EYS: variants seen among roughly 807,000 people sequenced by gnomAD.
EYS encodes the protein protein eyes shut homolog.
EYS carries 250 observed loss-of-function variants against 282.1 expected under a neutral mutation model. The observed-to-expected ratio is 0.89, with a 90% CI of 0.80 to 0.98. The LOEUF (loss-of-function observed/expected upper bound fraction) is 0.98, where lower values mean the gene tolerates loss of function less well. EYS is among the 50% of genes least tolerant of loss of function. EYS has a pLI of 0.00. For synonymous variants in EYS, 1,355 were observed against 1,282.9 expected (o/e 1.06, Z -1.20); for missense variants, 4,016 against 3,709.0 (o/e 1.08, Z -2.15).
chr6:64,434,037 T>C (rs1774655972), intron 28 of EYS, among the ~76,000 whole-genome samples: 2 of 152,158 alleles, frequency 1.3e-5, no homozygotes, highest in Non-Finnish European at 2.9e-5. Flanking sequence ...TGACTATATT[T>C]GGAAATAGGG....
Position 65,097,025 on chromosome 6 carries a change from T to C in EYS, c.2024-39298A>G, listed in dbSNP as rs939148424. Among the ~76,000 whole-genome samples, 3 of 150,814 alleles carry C rather than the reference T, an allele frequency of 2.0e-5. No homozygotes were observed. In the Admixed American group the frequency reaches 2.0e-4, roughly 10 times the overall value. On this transcript the variant is annotated intron_variant, in intron 12 of 42. Coordinates refer to ENST00000503581, the MANE Select transcript of EYS (RefSeq NM_001142800.2). ...TGACTACATCAAAGTAAAAATCTTCTACATAGAAAAGGAAATGATCAACAG... is the reference window on the plus strand; with the variant it reads ...TGACTACATCAAAGTAAAAATCTTCCACATAGAAAAGGAAATGATCAACAG...
At chr6:64,334,983 C>T (rs961632092) in intron 29 of EYS, among the ~76,000 whole-genome samples, 1 of 152,074 alleles carries the variant, frequency 6.6e-6, no homozygotes, top group African/African-American at 2.4e-5. Context: ...TCATCAGAAG[C>T]ATCTAATCCA....
At chr6:64,587,613 A>G (rs368468821) in intron 26 of EYS, among the ~76,000 whole-genome samples, 37 of 152,182 alleles carry the variant, frequency 2.4e-4, no homozygotes, top group African/African-American at 8.9e-4. Flanking sequence ...TTAGGTGTAC[A>G]AGAGTGAACA....
chr6:65,222,486 C>T (rs1766494284), intron 12 of EYS, among the ~76,000 whole-genome samples: 1 of 152,126 alleles, frequency 6.6e-6, no homozygotes, highest in African/African-American at 2.4e-5. Flanking sequence ...ATTGTGAGGC[C>T]TCCCAGCATG....
intron 22 of EYS, among the ~76,000 whole-genome samples, chr6:64,660,144 T>G (rs1401925694): frequency 6.6e-6 from 1 of 152,182 alleles, no homozygotes; most frequent in Non-Finnish European, 1.5e-5. Context: ...ACCACATGAT[T>G]ATCTCAATAG....
intron 13 of EYS, among the ~76,000 whole-genome samples, chr6:65,055,732 C>T (rs1027261287): frequency 5.3e-5 from 8 of 151,906 alleles, no homozygotes; most frequent in Non-Finnish European, 1.2e-4. Context: ...TTTTTGATGA[C>T]TAGACTCAGA....
intron 36 of EYS, among the ~76,000 whole-genome samples, chr6:63,833,704 A>G (rs1227290547): frequency 1.3e-5 from 2 of 152,170 alleles, no homozygotes; most frequent in African/African-American, 4.8e-5. Context: ...AACTGGAAAA[A>G]ACTACTTTAA....
chr6:65,114,205 AT>A, intron 12 of EYS, among the ~76,000 whole-genome samples: 1 of 152,148 alleles, frequency 6.6e-6, no homozygotes, highest in East Asian at 1.9e-4. Context: ...TACATAAAAA[AT>A]GTTAAAGTAT....
intron 29 of EYS, among the ~76,000 whole-genome samples, chr6:64,322,878 T>A (rs1384794987): frequency 1.3e-5 from 2 of 152,012 alleles, no homozygotes; most frequent in African/African-American, 2.4e-5. Context: ...TGAGCACAAT[T>A]TTGTCTGTTT....
At chr6:65,131,289 C>T (rs770428635) in intron 12 of EYS, among the ~76,000 whole-genome samples, 1 of 151,780 alleles carries the variant, frequency 6.6e-6, no homozygotes, top group Non-Finnish European at 1.5e-5. Flanking sequence ...TTCTTATTGC[C>T]ACATGGCACA....
At chr6:65,336,075 T>C (rs1341285031) in intron 10 of EYS, among the ~76,000 whole-genome samples, 1 of 151,742 alleles carries the variant, frequency 6.6e-6, no homozygotes, top group Non-Finnish European at 1.5e-5. Flanking sequence ...GCCATGATTG[T>C]AAGTTTTCTC....
intron 29 of EYS, among the ~76,000 whole-genome samples, chr6:64,310,799 G>A (rs1769664396): frequency 2.6e-5 from 4 of 152,004 alleles, no homozygotes; most frequent in Admixed American, 2.6e-4. Flanking sequence ...AGGGAACTGA[G>A]CATATGAGTG....
At position 65,692,249 on chromosome 6, in the gene EYS, CATAGGAGACTTGGA is replaced by C. The variant is rs968477300; in HGVS notation, c.-448+14872_-448+14885del. Among the ~76,000 whole-genome samples, 8 of 150,064 alleles carry C rather than the reference CATAGGAGACTTGGA, an allele frequency of 5.3e-5. 1 individual carries two copies. Among genetic ancestry groups the C allele is most frequent in the East Asian group, 4.6e-4 (2 of 4,384 alleles). ...TGAACATAGAGCGTGGAATAATAGG[CATAGGAGACTTGGA>C]AAGTGGGGAGGTGACGAATGAGAAA... On this transcript the variant is annotated intron_variant, in intron 1 of 42. Coordinates refer to ENST00000503581, the MANE Select transcript of EYS (RefSeq NM_001142800.2).
intron 35 of EYS, among the ~76,000 whole-genome samples, chr6:63,869,570 T>C (rs321497): frequency 0.99 from 151,376 of 152,306 alleles, 75,233 homozygotes; most frequent in Middle Eastern, 1. Flanking sequence ...GGAGCAGACT[T>C]GGAGAACATG....
At chr6:65,517,169 C>T (rs181464972) in intron 2 of EYS, among the ~76,000 whole-genome samples, 262 of 151,832 alleles carry the variant, frequency 1.7e-3, no homozygotes, top group Middle Eastern at 6.8e-3. Context: ...GGAACTACTG[C>T]GTGTGGAAGG....
Position 63,745,137 on chromosome 6 carries a change from C to T in EYS, c.8071+17324G>A, listed in dbSNP as rs949053350. ...TCCTCGAGCATATTTGCCAAATCTG[C>T]TAAATCCAAAGTTTAATCTTCAACT... On this transcript the variant is annotated intron_variant, in intron 41 of 42. Transcript: ENST00000503581. 14 of 328,778 alleles carry T rather than the reference C, an allele frequency of 4.3e-5. 1 individual carries two copies. In the East Asian group the frequency reaches 1.3e-3, roughly 31 times the overall value. 20.4% of individuals were successfully genotyped at this position (328,778 alleles called of 1,614,324 possible). A position where few individuals can be genotyped will look rare whatever the true frequency, so the allele number is the denominator to read the frequency against.
At chr6:65,587,954 A>T (rs868372921) in intron 2 of EYS, among the ~76,000 whole-genome samples, 1 of 152,130 alleles carries the variant, frequency 6.6e-6, no homozygotes, top group Non-Finnish European at 1.5e-5. Flanking sequence ...AATAATAATT[A>T]TCTTAAGTTT....
intron 22 of EYS, among the ~76,000 whole-genome samples, chr6:64,731,921 T>C (rs1252831775): frequency 2.6e-5 from 4 of 152,098 alleles, no homozygotes; most frequent in East Asian, 3.8e-4. Flanking sequence ...CAAATGCCCA[T>C]CAATGTTAGA....
At chr6:64,512,278 G>A (rs541963564) in intron 26 of EYS, among the ~76,000 whole-genome samples, 11 of 152,130 alleles carry the variant, frequency 7.2e-5, no homozygotes, top group Non-Finnish European at 1.2e-4. Flanking sequence ...TAGGAGAAGC[G>A]TCACTGCAAA....
Sources: gnomAD v4.1 joint callset for allele counts (sites outside exome capture counted in the v4.1 genomes callset) on GRCh38, gnomAD v4.1.1 for gene constraint, MANE v1.5 for transcripts, NCBI Gene and HGNC (gene_info 2026-07-23, HGNC 2026-07-21) for gene names.